Variants in NRG1 observed in about 807,000 individuals in gnomAD.
NRG1 encodes the protein pro-neuregulin-1, membrane-bound isoform.
In NRG1, 18 loss-of-function variants were observed where a neutral mutation model predicts 63.8. The ratio of observed to expected loss-of-function variants is 0.28; its 90% CI spans 0.19 to 0.42. The LOEUF is 0.42. Among genes scored for constraint, NRG1 ranks in the 10% least tolerant of loss-of-function variants. NRG1 has a pLI of 1.00. For missense variants in NRG1, 762 were observed against 814.7 expected (o/e 0.94, Z 0.79); for synonymous variants, 302 against 301.3 (o/e 1.00, Z -0.02).
At chr8:31,969,097 C>T (rs572703522) in intron 1 of NRG1, among the ~76,000 whole-genome samples, 3 of 152,080 alleles carry the variant, frequency 2.0e-5, no homozygotes, top group East Asian at 1.9e-4. Flanking sequence ...TAGTGAGATG[C>T]CATAATGACT....
chr8:31,903,816 GT>G (rs2129615731), intron 1 of NRG1, among the ~76,000 whole-genome samples: 1 of 152,060 alleles, frequency 6.6e-6, no homozygotes, highest in South Asian at 2.1e-4. Flanking sequence ...TTAGCCAGGC[GT>G]GGTGATGTGC....
At chr8:32,409,279 A>C (rs900600930) in intron 1 of NRG1, among the ~76,000 whole-genome samples, 1 of 152,224 alleles carries the variant, frequency 6.6e-6, no homozygotes, top group Non-Finnish European at 1.5e-5. Context: ...ATTTAAATGT[A>C]ATACCTGACA....
intron 1 of NRG1, among the ~76,000 whole-genome samples, chr8:31,858,610 C>CA (rs927320023): frequency 3.9e-5 from 6 of 151,990 alleles, no homozygotes; most frequent in Non-Finnish European, 5.9e-5. Flanking sequence ...AAACTTACAC[C>CA]AAAAAAATGT....
chr8:32,333,217 G>GAATAA (rs1298503513), intron 1 of NRG1, among the ~76,000 whole-genome samples: 2 of 152,076 alleles, frequency 1.3e-5, no homozygotes, highest in Non-Finnish European at 2.9e-5. Flanking sequence ...GAACTCATTG[G>GAATAA]TGTTTCAAAA....
chr8:31,803,147 A>G (rs938135749), intron 1 of NRG1, among the ~76,000 whole-genome samples: 1 of 152,214 alleles, frequency 6.6e-6, no homozygotes. Flanking sequence ...TGCTAGTGAG[A>G]GAAATAAAAG....
At chr8:31,851,947 T>C (rs1470782413) in intron 1 of NRG1, among the ~76,000 whole-genome samples, 1 of 151,216 alleles carries the variant, frequency 6.6e-6, no homozygotes, top group East Asian at 2.0e-4. Flanking sequence ...CTCATCCTTT[T>C]TTATGGCTGC....
rs547919034 is a variant in NRG1, at chr8:32,125,298, T to G, written c.38-470530T>G. Among the ~76,000 whole-genome samples the G allele has an allele frequency of 2.8e-4, 43 of 152,072 alleles. 1 individual carries two copies. The highest frequency in any genetic ancestry group is 9.9e-4 in the African/African-American group (41 of 41,534). The stretch of plus-strand genomic sequence containing the variant: ...AGAAAAATTTACAGTTTTCATCACT[T>G]GGCAGAGGTCACATAACAGGTCGAT... On this transcript the variant is annotated intron_variant, in intron 1 of 10. Coordinates refer to the NRG1 transcript ENST00000519301.
intron 5 of NRG1, among the ~76,000 whole-genome samples, chr8:32,702,730 C>G (rs939519000): frequency 6.6e-6 from 1 of 152,158 alleles, no homozygotes; most frequent in African/African-American, 2.4e-5. Context: ...GATCTGCCTT[C>G]CTCGGCCTCC....
chr8:31,805,858 T>C (rs550325441), intron 1 of NRG1, among the ~76,000 whole-genome samples: 1 of 143,206 alleles, frequency 7.0e-6, no homozygotes, highest in Non-Finnish European at 1.5e-5. Flanking sequence ...ATGAAGCGAA[T>C]ACCATCTCTA....
chr8:32,086,581 C>T (rs181482080), intron 1 of NRG1, among the ~76,000 whole-genome samples: 2 of 152,312 alleles, frequency 1.3e-5, no homozygotes, highest in African/African-American at 4.8e-5. Context: ...CTTATATTAA[C>T]TTGTTGACAT....
At chr8:32,316,886 G>A (rs1857462958) in intron 1 of NRG1, among the ~76,000 whole-genome samples, 1 of 152,194 alleles carries the variant, frequency 6.6e-6, no homozygotes, top group Admixed American at 6.5e-5. Flanking sequence ...ACTTGAAAGG[G>A]ACCGTGTAGG....
At chr8:32,525,015 G>T (rs1235331758) in intron 1 of NRG1, among the ~76,000 whole-genome samples, 2 of 152,142 alleles carry the variant, frequency 1.3e-5, no homozygotes, top group Non-Finnish European at 2.9e-5. Context: ...TCCAATATTT[G>T]CCCTCCAGAG....
At chr8:32,101,480 T>TG (rs201146101) in intron 1 of NRG1, among the ~76,000 whole-genome samples, 17 of 6,452 alleles carry the variant, frequency 2.6e-3, no homozygotes, top group South Asian at 0.023. Context: ...GAAAGCAGAT[T>TG]TTTTTTTTTT....
chr8:32,292,276 T>G (rs976067119), intron 1 of NRG1, among the ~76,000 whole-genome samples: 1 of 152,212 alleles, frequency 6.6e-6, no homozygotes, highest in Admixed American at 6.5e-5. Flanking sequence ...TCCAAAAGAT[T>G]GAATAAAATT....
In NRG1 at chr8:31,640,300, GGC is replaced by G; in HGVS notation, c.37+871_37+872del. ...CGACAGGAAGGCGGCGGCGGCGGCG[GGC>G]GAGGCAGGGGCGTGGGGCGGCGATC... On this transcript the variant is annotated intron_variant, in intron 1 of 10. Transcript: ENST00000519301. This position sits in a 1 kb window ranked among gnomAD's most constrained non-coding sequence, Gnocchi z 6.3. The G allele has an allele frequency of 8.8e-7, 1 of 1,137,516 alleles. No individual in the cohort carries two copies. The highest frequency in any genetic ancestry group is 1.1e-6 in the Non-Finnish European group (1 of 928,052). The allele number at this position is 1,137,516 out of a possible 1,614,324, so 70.5% of individuals were successfully genotyped here. A position where few individuals can be genotyped will look rare whatever the true frequency, so the allele number is the denominator to read the frequency against.
intron 1 of NRG1, among the ~76,000 whole-genome samples, chr8:31,653,013 C>CCCTCT (rs1805045617): frequency 9.8e-6 from 1 of 102,082 alleles, no homozygotes; most frequent in African/African-American, 3.6e-5. Context: ...TCCTCCCCTC[C>CCCTCT]CCTCCCCTCC....
chr8:32,137,059 GT>G (rs1457683713), intron 1 of NRG1, among the ~76,000 whole-genome samples: 8 of 151,880 alleles, frequency 5.3e-5, no homozygotes, highest in Admixed American at 2.0e-4. Flanking sequence ...AAACATGGGG[GT>G]TTTTTTTAAA....
chr8:31,930,361 C>T (rs1350374003), intron 1 of NRG1, among the ~76,000 whole-genome samples: 1 of 152,184 alleles, frequency 6.6e-6, no homozygotes, highest in Non-Finnish European at 1.5e-5. Context: ...GGGCTAGAAA[C>T]TCCAGCAAGT....
intron 1 of NRG1, among the ~76,000 whole-genome samples, chr8:31,755,237 G>A (rs772756447): frequency 1.3e-5 from 2 of 152,106 alleles, no homozygotes; most frequent in African/African-American, 4.8e-5. Context: ...CTTGTGTCCA[G>A]CTGTAATCCC....
Sources: gnomAD v4.1 joint callset for allele counts (sites outside exome capture counted in the v4.1 genomes callset) on GRCh38, gnomAD v4.1.1 for gene constraint, Gnocchi (gnomAD v3.1) non-coding constraint, MANE v1.5 for transcripts, NCBI Gene and HGNC (gene_info 2026-07-23, HGNC 2026-07-21) for gene names.